Variants in SLC28A1 observed in about 807,000 individuals in gnomAD.
SLC28A1 encodes sodium/nucleoside cotransporter 1.
In SLC28A1, 64 loss-of-function variants were observed where a neutral mutation model predicts 74.8. The observed-to-expected ratio is 0.86, with a 90% confidence interval of 0.70 to 1.05. SLC28A1 has a LOEUF of 1.05. Among genes scored for constraint, SLC28A1 ranks in the 50% least tolerant of loss-of-function variants. SLC28A1 has a pLI of 0.00. For synonymous variants in SLC28A1, 359 were observed against 335.0 expected (o/e 1.07, Z -0.78); for missense variants, 828 against 822.8 (o/e 1.01, Z -0.08).
chr15:84,974,195 G>A, the SLC28A1 span, among the ~76,000 whole-genome samples: 1 of 152,210 alleles, frequency 6.6e-6, no homozygotes, highest in African/African-American at 2.4e-5. Flanking sequence ...GTGCTGCTTT[G>A]CATTTTGCCT....
intron 9 of SLC28A1, among the ~76,000 whole-genome samples, chr15:84,912,088 C>T (rs1341629616): frequency 2.6e-5 from 4 of 152,176 alleles, no homozygotes; most frequent in Admixed American, 6.5e-5. Flanking sequence ...CCATCCATAG[C>T]AATGCCAGGA....
intron 6 of SLC28A1, chr15:84,895,863 A>G (rs977972778): frequency 9.4e-7 from 1 of 1,065,862 alleles, no homozygotes; most frequent in Non-Finnish European, 1.1e-6. Flanking sequence ...ATACCCAAAG[A>G]CTAAGTCAGG....
intron 11 of SLC28A1, 127 bp from the exon 12 acceptor site, chr15:84,923,858 C>A (rs561292781): frequency 8.8e-6 from 11 of 1,250,874 alleles, no homozygotes; most frequent in Non-Finnish European, 9.2e-6. Flanking sequence ...CAAGTACAGA[C>A]CCTGGTCCTT....
intron 11 of SLC28A1, among the ~76,000 whole-genome samples, chr15:84,923,703 G>A (rs1368291856): frequency 6.6e-6 from 1 of 152,168 alleles, no homozygotes; most frequent in Non-Finnish European, 1.5e-5. Context: ...TATCTCAGAA[G>A]GTTGTGAGTA....
chr15:84,907,763 A>T (rs1199769290), intron 8 of SLC28A1, among the ~76,000 whole-genome samples: 4 of 152,198 alleles, frequency 2.6e-5, no homozygotes, highest in Non-Finnish European at 4.4e-5. Context: ...ACCAGCTTGC[A>T]GTTCCCTGTG....
rs1267608057 is a variant in SLC28A1, at chr15:84,908,778, G to A, written c.778G>A (p.Asp260Asn). The change falls in exon 9 of 19, where the codon GAT becomes AAT. Residue 260 changes from aspartate (D) to asparagine (N), a missense_variant. Coordinates refer to ENST00000394573, the MANE Select transcript of SLC28A1 (RefSeq NM_004213.5). ...SFVFGEALVK[D>N]VFAFQVLPII... ...CGTGTTTGGGGAGGCGCTGGTCAAGGATGTCTTTGCCTTTCAGGTCAGCTT... is the reference window on the plus strand; with the variant it reads ...CGTGTTTGGGGAGGCGCTGGTCAAGAATGTCTTTGCCTTTCAGGTCAGCTT... 6.2e-7 allele frequency: 1 copy of A among 1,613,730 alleles called. No homozygotes were observed. The highest frequency in any genetic ancestry group is 1.3e-5 in the African/African-American group (1 of 74,898).
intron 12 of SLC28A1, chr15:84,926,493 G>T: frequency 2.2e-6 from 1 of 448,962 alleles, no homozygotes; most frequent in Non-Finnish European, 4.5e-6. Flanking sequence ...ATGAGCCATT[G>T]CATCCAGCTT....
At chr15:84,936,483 C>A (rs1029347494) in intron 15 of SLC28A1, among the ~76,000 whole-genome samples, 1 of 151,636 alleles carries the variant, frequency 6.6e-6, no homozygotes, top group African/African-American at 2.4e-5. Flanking sequence ...TCTTGAAATC[C>A]TGACCTCAAA....
the SLC28A1 span, among the ~76,000 whole-genome samples, chr15:84,952,367 A>G: frequency 6.6e-6 from 1 of 152,302 alleles, no homozygotes; most frequent in East Asian, 1.9e-4. Flanking sequence ...AGTAACCCAC[A>G]GATCAAGACT....
intron 7 of SLC28A1, 102 bp downstream of exon 7, chr15:84,904,340 G>T: frequency 6.5e-7 from 1 of 1,545,408 alleles, no homozygotes; most frequent in Admixed American, 1.7e-5. Context: ...TTCCTGTTGG[G>T]AGAGCCCTGG....
chr15:84,956,069 C>T, the SLC28A1 span, among the ~76,000 whole-genome samples: 1 of 152,198 alleles, frequency 6.6e-6, no homozygotes, highest in Non-Finnish European at 1.5e-5. Context: ...ATTCCCTCCC[C>T]ATCCCTGACT....
Position 84,899,736 on chromosome 15 carries a change from G to A in SLC28A1, c.462-4361G>A, listed in dbSNP as rs889923149. Reference sequence around the variant, plus strand: ...TTTCAGACATAAAAAGCAGATTTACGCTACAAGAAATGCTAAAGGAGTGGC... The same window carrying A: ...TTTCAGACATAAAAAGCAGATTTACACTACAAGAAATGCTAAAGGAGTGGC... On this transcript the variant is annotated intron_variant, in intron 6 of 18. Transcript: ENST00000394573. Among the ~76,000 whole-genome samples, 8 of 152,146 alleles carry A rather than the reference G, an allele frequency of 5.3e-5. No individual in the cohort carries two copies. In the South Asian group the frequency reaches 1.0e-3, roughly 20 times the overall value.
At chr15:84,933,118 C>G (rs773854037) in intron 12 of SLC28A1, 27 bp from the exon 13 acceptor site, 17 of 1,611,506 alleles carry the variant, frequency 1.1e-5, no homozygotes, top group Non-Finnish European at 5.9e-6. Context: ...GACTGTCCAC[C>G]TAGAACCTGC....
At position 84,904,255 on chromosome 15, in the gene SLC28A1, G is replaced by A. The variant is rs1480520582; in HGVS notation, c.603+17G>A. ...CATTGCGCAGTGAGTGCTAGTTGTGGGGCCCAGGGCTGGAAGTGTTTGCCT... is the reference window on the plus strand; with the variant it reads ...CATTGCGCAGTGAGTGCTAGTTGTGAGGCCCAGGGCTGGAAGTGTTTGCCT... On this transcript the variant is annotated intron_variant, in intron 7 of 18. Coordinates refer to ENST00000394573, the MANE Select transcript of SLC28A1 (RefSeq NM_004213.5). 1 of 1,613,202 alleles carries A rather than the reference G, an allele frequency of 6.2e-7. No individual in the cohort carries two copies. The highest frequency in any genetic ancestry group is 8.5e-7 in the Non-Finnish European group (1 of 1,180,030).
At chr15:84,957,450 A>G in the SLC28A1 span, among the ~76,000 whole-genome samples, 1 of 152,082 alleles carries the variant, frequency 6.6e-6, no homozygotes, top group African/African-American at 2.4e-5. Flanking sequence ...TATTTTTAGT[A>G]AAGACAGCAT....
In SLC28A1 at chr15:84,894,947, T is replaced by G. The variant is rs1965796882; in HGVS notation, c.285T>G (p.Ser95=). The G allele has an allele frequency of 6.2e-7, 1 of 1,614,148 alleles. No individual in the cohort carries two copies. Among genetic ancestry groups the G allele is most frequent in the East Asian group, 2.2e-5 (1 of 44,874 alleles). The stretch of plus-strand genomic sequence containing the variant: ...CTCTGTCTCATCCCCCAGGGCTCTC[T>G]GCCTTCCTGCTGGTGGCCTGCCTCC... ...IGTGLLCTGL[S]AFLLVACLLD... The change falls in exon 6 of 19, where the codon TCT becomes TCG. Residue 95 remains serine (S), a synonymous_variant. Transcript: ENST00000394573.
the SLC28A1 span, among the ~76,000 whole-genome samples, chr15:84,973,988 G>T: frequency 2.6e-5 from 4 of 152,146 alleles, no homozygotes; most frequent in Non-Finnish European, 5.9e-5. Context: ...ACAAGAGAAT[G>T]ACAATTTTCC....
At chr15:84,964,369 A>T in the SLC28A1 span, among the ~76,000 whole-genome samples, 1 of 152,186 alleles carries the variant, frequency 6.6e-6, no homozygotes, top group African/African-American at 2.4e-5. Context: ...CACTCCTTTC[A>T]GGGCACTCAT....
chr15:84,934,980 G>A (rs1427196520), intron 13 of SLC28A1, 46 bp from the exon 14 acceptor site: 1 of 1,559,946 alleles, frequency 6.4e-7, no homozygotes, highest in Non-Finnish European at 8.8e-7. Flanking sequence ...ACCCTTGCTG[G>A]TTGTGGAGAC....
Sources: allele counts gnomAD v4.1 joint callset (sites outside exome capture counted in the v4.1 genomes callset), GRCh38; gene constraint gnomAD v4.1.1; transcripts MANE v1.5; gene names NCBI Gene and HGNC (gene_info 2026-07-23, HGNC 2026-07-21).